Variants in PCCA observed in about 807,000 individuals in gnomAD.
PCCA encodes propionyl-CoA carboxylase subunit alpha.
In PCCA, 74 loss-of-function variants were observed where a neutral mutation model predicts 101.3. That is an observed-to-expected ratio of 0.73 (90% CI 0.61 to 0.89). The LOEUF (loss-of-function observed/expected upper bound fraction) is 0.89. PCCA is among the 40% of genes least tolerant of loss of function. The pLI, the probability that PCCA is intolerant of heterozygous loss-of-function variation, is 0.00. For synonymous variants in PCCA, 294 were observed against 313.6 expected (o/e 0.94, Z 0.66); for missense variants, 891 against 907.0 (o/e 0.98, Z 0.23).
intron 8 of PCCA, 100 bp from the exon 9 acceptor site, chr13:100,257,495 A>G: frequency 1.2e-6 from 1 of 845,344 alleles, no homozygotes; most frequent in Non-Finnish European, 2.0e-6. Flanking sequence ...AAATAAATTA[A>G]TTATTGTTTT....
intron 22 of PCCA, among the ~76,000 whole-genome samples, chr13:100,516,883 T>C (rs908182103): frequency 2.0e-5 from 3 of 152,182 alleles, no homozygotes; most frequent in Non-Finnish European, 4.4e-5. Context: ...GAGCTGTCAG[T>C]GGAATCTTCT....
intron 18 of PCCA, among the ~76,000 whole-genome samples, chr13:100,364,497 T>G (rs1185875979): frequency 6.6e-6 from 1 of 152,200 alleles, no homozygotes; most frequent in Non-Finnish European, 1.5e-5. Context: ...TTTTTAAAAT[T>G]TATAGCTTAT....
intron 21 of PCCA, among the ~76,000 whole-genome samples, chr13:100,454,065 GT>G (rs2081539044): frequency 6.6e-6 from 1 of 151,802 alleles, no homozygotes; most frequent in South Asian, 2.1e-4. Context: ...TAGAGGCAGG[GT>G]TTCACTGTGT....
At chr13:100,440,159 TATATATATATATATA>T (rs1566307970) in intron 20 of PCCA, among the ~76,000 whole-genome samples, 1 of 1,536 alleles carries the variant, frequency 6.5e-4, no homozygotes, top group Non-Finnish European at 1.4e-3. Flanking sequence ...TATTAAATTA[TATATATATATATATA>T]TATATATATA....
chr13:100,469,001 C>T lies in PCCA; in HGVS notation c.1899+19696C>T, dbSNP rs546400343. ...CTGAGGCGGGTGGATCACCTGAGGTCGGGAGTTCGAGAGCAGCCTGACCAA... is the reference window on the plus strand; with the variant it reads ...CTGAGGCGGGTGGATCACCTGAGGTTGGGAGTTCGAGAGCAGCCTGACCAA... On this transcript the variant is annotated intron_variant, in intron 21 of 23. Transcript: ENST00000376285. Among the ~76,000 whole-genome samples the T allele has an allele frequency of 1.1e-4, 17 of 151,368 alleles. No homozygotes were observed. The South Asian group carries it at 3.4e-3, about 30-fold the overall frequency.
chr13:100,103,074 A>C (rs2152251492), intron 2 of PCCA, 114 bp downstream of exon 2: 1 of 728,000 alleles, frequency 1.4e-6, no homozygotes, highest in East Asian at 2.6e-5. Context: ...CTGTGTGGTC[A>C]TTGATCACTC....
intron 10 of PCCA, among the ~76,000 whole-genome samples, chr13:100,263,686 C>T (rs2062682332): frequency 1.3e-5 from 2 of 152,062 alleles, no homozygotes; most frequent in Non-Finnish European, 2.9e-5. Flanking sequence ...CAACATTGAA[C>T]ACAGTTTCTT....
chr13:100,256,163 C>T (rs529723556), intron 8 of PCCA, among the ~76,000 whole-genome samples: 2 of 152,224 alleles, frequency 1.3e-5, no homozygotes, highest in East Asian at 1.9e-4. Context: ...CACACCACCA[C>T]ACCCAGCTAA....
chr13:100,244,347 A>G (rs1320624574), intron 8 of PCCA, among the ~76,000 whole-genome samples: 4 of 152,098 alleles, frequency 2.6e-5, no homozygotes, highest in African/African-American at 9.7e-5. Context: ...TTCTTTTCCA[A>G]TGGGTGCTTA....
At chr13:100,097,045 C>T (rs1013063392) in intron 1 of PCCA, among the ~76,000 whole-genome samples, 5 of 152,180 alleles carry the variant, frequency 3.3e-5, no homozygotes, top group African/African-American at 1.2e-4. Context: ...TGAGCAATAA[C>T]TGTTTTGAAC....
At chr13:100,421,237 A>AT (rs1239410256) in intron 19 of PCCA, among the ~76,000 whole-genome samples, 1 of 152,170 alleles carries the variant, frequency 6.6e-6, no homozygotes, top group Non-Finnish European at 1.5e-5. Flanking sequence ...CTGTATGTAT[A>AT]TATGGTACAA....
chr13:100,489,015 T>G (rs750909001), intron 21 of PCCA, among the ~76,000 whole-genome samples: 26 of 152,020 alleles, frequency 1.7e-4, no homozygotes, highest in Non-Finnish European at 3.2e-4. Flanking sequence ...TTTTTGAAAA[T>G]AAAGTTTTGG....
At chr13:100,454,166 A>G (rs1034137550) in intron 21 of PCCA, among the ~76,000 whole-genome samples, 1 of 150,632 alleles carries the variant, frequency 6.6e-6, no homozygotes, top group Non-Finnish European at 1.5e-5. Flanking sequence ...GAGCCACCGC[A>G]CCTGGCCAAA....
chr13:100,512,047 T>C (rs763210236), intron 21 of PCCA, among the ~76,000 whole-genome samples: 20 of 152,180 alleles, frequency 1.3e-4, no homozygotes, highest in Non-Finnish European at 2.2e-4. Flanking sequence ...GGTCCAGTGA[T>C]AACATCCCTC....
rs781331483 is a variant in PCCA, at chr13:100,461,989, A to G, written c.1899+12684A>G. Among the ~76,000 whole-genome samples, 47 of 152,160 alleles carry G rather than the reference A, an allele frequency of 3.1e-4. 1 individual carries two copies. The highest frequency in any genetic ancestry group is 4.3e-4 in the Non-Finnish European group (29 of 68,034). On this transcript the variant is annotated intron_variant, in intron 21 of 23. Transcript: ENST00000376285. ...TTCCTGACCCTTTTCTAGTCCAACA[A>G]TAGGAAGCAGGTGGCGGTCACAGAG...
intron 4 of PCCA, among the ~76,000 whole-genome samples, chr13:100,123,808 A>G (rs2049680989): frequency 6.6e-6 from 1 of 152,090 alleles, no homozygotes; most frequent in African/African-American, 2.4e-5. Flanking sequence ...ATGTGGGAGG[A>G]TTTTTGAGTT....
intron 18 of PCCA, among the ~76,000 whole-genome samples, chr13:100,346,955 C>G (rs1024768971): frequency 3.3e-5 from 5 of 152,006 alleles, no homozygotes; most frequent in South Asian, 2.1e-4. Context: ...TTCACTGCAA[C>G]CTCCGCCTCC....
chr13:100,523,920 G>C (rs1369678786), intron 22 of PCCA, among the ~76,000 whole-genome samples: 1 of 152,174 alleles, frequency 6.6e-6, no homozygotes, highest in South Asian at 2.1e-4. Context: ...CTGCAGGAAC[G>C]GGCCCCGCAC....
At chr13:100,518,773 CTCATT>C (rs1293264755) in intron 22 of PCCA, among the ~76,000 whole-genome samples, 1 of 152,102 alleles carries the variant, frequency 6.6e-6, no homozygotes, top group South Asian at 2.1e-4. Context: ...TCTGCAGTAA[CTCATT>C]TCAGTTTGAA....
Sources: allele counts gnomAD v4.1 joint callset (sites outside exome capture counted in the v4.1 genomes callset), GRCh38; gene constraint gnomAD v4.1.1; transcripts MANE v1.5; gene names NCBI Gene and HGNC (gene_info 2026-07-23, HGNC 2026-07-21).